Variants in ANK3 observed in about 807,000 individuals in gnomAD.
ANK3 encodes the protein ankyrin 3, also known as ankyrin-3.
In ANK3, 57 loss-of-function variants were observed where a neutral mutation model predicts 370.9. The observed-to-expected ratio is 0.15, with a 90% CI of 0.12 to 0.19. The LOEUF (loss-of-function observed/expected upper bound fraction) is 0.19. ANK3 is among the 10% of genes least tolerant of loss of function. ANK3 has a pLI of 1.00. For missense variants in ANK3, 4,439 were observed against 5,302.1 expected (o/e 0.84, Z 5.06); for synonymous variants, 1,929 against 1,946.3 (o/e 0.99, Z 0.23).
At chr10:60,156,148 CTG>C (rs1443697353) in intron 23 of ANK3, among the ~76,000 whole-genome samples, 2 of 152,194 alleles carry the variant, frequency 1.3e-5, no homozygotes, top group Admixed American at 1.3e-4. Context: ...AAGGGTGTGC[CTG>C]TGTCACTCAT....
At position 60,072,319 on chromosome 10, in the gene ANK3, T is replaced by A. The variant is rs762063080; in HGVS notation, c.8562A>T (p.Thr2854=). 2 of 1,614,110 alleles carry A rather than the reference T, an allele frequency of 1.2e-6. No individual in the cohort carries two copies. Among genetic ancestry groups the A allele is most frequent in the South Asian group, 1.1e-5 (1 of 91,070 alleles). ...RGPWDKKVFR[T]WESSGATNNK... Reference sequence around the variant, plus strand: ...TGTTAGTGGCTCCCGAACTCTCCCATGTTCTAAAGACCTTTTTGTCCCATG... The same window carrying A: ...TGTTAGTGGCTCCCGAACTCTCCCAAGTTCTAAAGACCTTTTTGTCCCATG... The change falls in exon 37 of 44, where the codon ACA becomes ACT. Residue 2854 remains threonine (T), a synonymous_variant. Coordinates refer to ENST00000280772, the MANE Select transcript of ANK3 (RefSeq NM_020987.5).
At chr10:60,557,193 G>C (rs1336906757) in intron 2 of ANK3, among the ~76,000 whole-genome samples, 1 of 152,066 alleles carries the variant, frequency 6.6e-6, no homozygotes, top group Non-Finnish European at 1.5e-5. Context: ...AACTTATACA[G>C]GATGTTTGTT....
At chr10:60,389,042 G>C (rs1240569695) in intron 1 of ANK3, among the ~76,000 whole-genome samples, 1 of 152,106 alleles carries the variant, frequency 6.6e-6, no homozygotes, top group Non-Finnish European at 1.5e-5. Context: ...CCTCTAAGAA[G>C]TACAAAGCCT....
At chr10:60,229,879 A>C (rs757320869) in intron 8 of ANK3, among the ~76,000 whole-genome samples, 7 of 152,236 alleles carry the variant, frequency 4.6e-5, no homozygotes, top group Admixed American at 1.3e-4. Context: ...GACCACGTGC[A>C]TCTTAGAGTT....
intron 1 of ANK3, among the ~76,000 whole-genome samples, chr10:60,388,592 A>T (rs1016334055): frequency 6.6e-6 from 1 of 152,142 alleles, no homozygotes; most frequent in Non-Finnish European, 1.5e-5. Flanking sequence ...CCTAGGAGTC[A>T]TATTTAAGGG....
rs111596833 is a variant in ANK3 at position 60,137,810 on chromosome 10, T to C, written c.2738+1154A>G. On this transcript the variant is annotated intron_variant, in intron 24 of 43. Coordinates refer to ENST00000280772, the MANE Select transcript of ANK3 (RefSeq NM_020987.5). The stretch of plus-strand genomic sequence containing the variant: ...AGAAGAACAGAAGGCAAGCTAGTTA[T>C]TGGATTTCAAAAGCTATAAATCTCT... Among the ~76,000 whole-genome samples, 654 of 152,290 alleles carry C rather than the reference T, an allele frequency of 4.3e-3. 6 individuals are homozygous for C. Among genetic ancestry groups the C allele is most frequent in the African/African-American group, 0.015 (614 of 41,584 alleles).
At chr10:60,043,524 G>A in intron 42 of ANK3, 2 of 985,410 alleles carry the variant, frequency 2.0e-6, no homozygotes, top group South Asian at 4.7e-5. Context: ...TCTTTAACTG[G>A]CACATTGGAA....
chr10:60,069,037 G>A lies in ANK3; in HGVS notation c.11844C>T (p.Ser3948=). 1.9e-6 allele frequency: 3 copies of A among 1,614,118 alleles called. No individual in the cohort carries two copies. Among genetic ancestry groups the A allele is most frequent in the East Asian group, 2.2e-5 (1 of 44,880 alleles). The change falls in exon 37 of 44, where the codon TCC becomes TCT. Residue 3948 remains serine, a synonymous_variant. Transcript: ENST00000280772. ...PEKGKAKQLP[S]KLPVKVRSTC... ...TGGATCTTACCTTTACTGGCAACTT[G>A]GATGGAAGCTGTTTGGCCTTGCCTT...
At chr10:60,549,123 G>C (rs942901547) in intron 2 of ANK3, among the ~76,000 whole-genome samples, 2 of 144,282 alleles carry the variant, frequency 1.4e-5, no homozygotes, top group East Asian at 4.2e-4. Context: ...AAATGAGTGA[G>C]AGAAGGGCAT....
chr10:60,441,478 G>T (rs1369255297), intron 2 of ANK3, among the ~76,000 whole-genome samples: 1 of 152,058 alleles, frequency 6.6e-6, no homozygotes, highest in Non-Finnish European at 1.5e-5. Flanking sequence ...AGTTTCTGAA[G>T]CTTGATTTCT....
intron 1 of ANK3, among the ~76,000 whole-genome samples, chr10:60,670,881 T>G (rs1052382465): frequency 6.6e-6 from 1 of 152,228 alleles, no homozygotes; most frequent in African/African-American, 2.4e-5. Context: ...GAGAAGTCCC[T>G]GTTTTGCTGT....
chr10:60,456,080 T>C (rs1248305278), intron 2 of ANK3, among the ~76,000 whole-genome samples: 1 of 152,240 alleles, frequency 6.6e-6, no homozygotes, highest in Non-Finnish European at 1.5e-5. Context: ...TGACAGAATT[T>C]GGAGGTCCAC....
At chr10:60,488,908 C>T (rs2075419325) in intron 2 of ANK3, among the ~76,000 whole-genome samples, 1 of 152,172 alleles carries the variant, frequency 6.6e-6, no homozygotes, top group South Asian at 2.1e-4. Context: ...ATCTTATTTG[C>T]TATGATTTGA....
At chr10:60,624,578 C>A (rs1386164054) in intron 1 of ANK3, among the ~76,000 whole-genome samples, 3 of 152,124 alleles carry the variant, frequency 2.0e-5, no homozygotes, top group Non-Finnish European at 4.4e-5. Flanking sequence ...ATCTTTCTAG[C>A]AAGTTATTAA....
chr10:60,300,396 A>G (rs551953383), intron 1 of ANK3: 11 of 1,289,742 alleles, frequency 8.5e-6, no homozygotes, highest in Middle Eastern at 2.1e-4. Context: ...CAATTAGTTA[A>G]CACTTTGGAC....
chr10:60,427,852 T>C (rs2063924508), intron 2 of ANK3, among the ~76,000 whole-genome samples: 1 of 152,086 alleles, frequency 6.6e-6, no homozygotes, highest in Non-Finnish European at 1.5e-5. Flanking sequence ...AGAACCCAGA[T>C]TTTCTGACAA....
intron 2 of ANK3, among the ~76,000 whole-genome samples, chr10:60,532,163 T>C (rs1161435079): frequency 6.6e-6 from 1 of 152,258 alleles, no homozygotes; most frequent in Non-Finnish European, 1.5e-5. Flanking sequence ...ATTCAAATGA[T>C]TTTTACTGAG....
At chr10:60,293,435 C>A (rs2041880235) in intron 1 of ANK3, among the ~76,000 whole-genome samples, 1 of 152,172 alleles carries the variant, frequency 6.6e-6, no homozygotes, top group South Asian at 2.1e-4. Flanking sequence ...TACATACAAT[C>A]CTATCTGTTA....
At chr10:60,558,638 T>C (rs1245754222) in intron 2 of ANK3, among the ~76,000 whole-genome samples, 1 of 152,222 alleles carries the variant, frequency 6.6e-6, no homozygotes, top group Admixed American at 6.5e-5. Flanking sequence ...GCTAATATAC[T>C]TATGTTAATA....
Sources: gnomAD v4.1 joint callset for allele counts (sites outside exome capture counted in the v4.1 genomes callset) on GRCh38, gnomAD v4.1.1 for gene constraint, MANE v1.5 for transcripts, NCBI Gene and HGNC (gene_info 2026-07-23, HGNC 2026-07-21) for gene names.